Variants in SUPT3H observed in about 807,000 individuals in gnomAD.
SUPT3H encodes the protein transcription initiation protein SPT3 homolog.
SUPT3H carries 44 observed loss-of-function variants against 44.3 expected under a neutral mutation model. The observed-to-expected ratio is 0.99, with a 90% CI of 0.78 to 1.28. SUPT3H has a LOEUF of 1.28. Ranked by LOEUF, SUPT3H falls within the 50% of genes most tolerant of loss-of-function variation. The pLI is 0.00. For missense variants in SUPT3H, 380 were observed against 387.1 expected, an observed-to-expected ratio of 0.98 and a Z score of 0.15; for synonymous variants, 124 against 125.6, an observed-to-expected ratio of 0.99 and a Z score of 0.09.
intron 3 of SUPT3H, among the ~76,000 whole-genome samples, chr6:45,031,750 T>C (rs1261667882): frequency 1.3e-5 from 2 of 152,090 alleles, no homozygotes; most frequent in Non-Finnish European, 2.9e-5. Flanking sequence ...AGAGGAACCA[T>C]AAGAAAGAAT....
chr6:45,346,745 T>C (rs1220792198), intron 2 of SUPT3H, among the ~76,000 whole-genome samples: 1 of 152,024 alleles, frequency 6.6e-6, no homozygotes, highest in Non-Finnish European at 1.5e-5. Flanking sequence ...TTATATTTTT[T>C]TAGTAGAGAC....
intron 3 of SUPT3H, among the ~76,000 whole-genome samples, chr6:45,030,237 T>C (rs1489058981): frequency 6.6e-6 from 1 of 152,200 alleles, no homozygotes; most frequent in African/African-American, 2.4e-5. Flanking sequence ...TTGATGTATT[T>C]TTGAAGTCTA....
chr6:44,815,988 CA>C (rs776990296), intron 11 of SUPT3H, among the ~76,000 whole-genome samples: 51 of 152,130 alleles, frequency 3.4e-4, no homozygotes, highest in Non-Finnish European at 6.6e-4. Flanking sequence ...GGGCCATAAG[CA>C]AACCTTAGAA....
chr6:45,291,828 A>G (rs1016589466), intron 2 of SUPT3H, among the ~76,000 whole-genome samples: 4 of 152,188 alleles, frequency 2.6e-5, no homozygotes, highest in African/African-American at 9.7e-5. Flanking sequence ...GGTGTCCCCA[A>G]GGAAGAAGAG....
intron 3 of SUPT3H, among the ~76,000 whole-genome samples, chr6:45,046,990 T>C (rs1224818315): frequency 6.6e-6 from 1 of 152,214 alleles, no homozygotes; most frequent in African/African-American, 2.4e-5. Flanking sequence ...TGGTACTAAA[T>C]TCTGATGTCA....
chr6:45,078,962 T>C (rs1795382196), intron 3 of SUPT3H, among the ~76,000 whole-genome samples: 1 of 152,224 alleles, frequency 6.6e-6, no homozygotes, highest in Admixed American at 6.5e-5. Flanking sequence ...TTGTGCTTTC[T>C]TGATCTCAAT....
At chr6:45,247,653 A>C (rs1324094557) in intron 2 of SUPT3H, among the ~76,000 whole-genome samples, 1 of 151,506 alleles carries the variant, frequency 6.6e-6, no homozygotes, top group African/African-American at 2.4e-5. Flanking sequence ...GGAAGCTTAA[A>C]TCTAGATGCC....
At chr6:45,037,257 C>G (rs1444348364) in intron 3 of SUPT3H, among the ~76,000 whole-genome samples, 1 of 150,784 alleles carries the variant, frequency 6.6e-6, no homozygotes, top group Non-Finnish European at 1.5e-5. Flanking sequence ...GTAGGAGTGG[C>G]TGCAGTGGAA....
Position 44,902,586 on chromosome 6 carries a change from C to A in SUPT3H, c.912+30067G>T, listed in dbSNP as rs150317012. On this transcript the variant is annotated intron_variant, in intron 10 of 10. Coordinates refer to ENST00000371459, the MANE Select transcript of SUPT3H (RefSeq NM_003599.4). The stretch of plus-strand genomic sequence containing the variant: ...AGACTCCCACAATAATAATGGGAGA[C>A]TTTAACACCCCACTGTCAATATTAG... Among the ~76,000 whole-genome samples, 45 of 152,228 alleles carry A rather than the reference C, an allele frequency of 3.0e-4. 2 individuals are homozygous for A. The highest frequency in any genetic ancestry group is 8.7e-4 in the African/African-American group (36 of 41,528).
intron 3 of SUPT3H, among the ~76,000 whole-genome samples, chr6:45,070,631 C>T (rs1353090850): frequency 1.3e-5 from 2 of 151,404 alleles, no homozygotes; most frequent in Non-Finnish European, 2.9e-5. Context: ...ATCCCAGCTA[C>T]TCCTGAGGCA....
chr6:44,881,740 A>G (rs1423837448), intron 10 of SUPT3H, among the ~76,000 whole-genome samples: 2 of 152,184 alleles, frequency 1.3e-5, no homozygotes, highest in Admixed American at 6.5e-5. Flanking sequence ...CTCACTAAAA[A>G]CTGCACAGCT....
intron 10 of SUPT3H, among the ~76,000 whole-genome samples, chr6:44,888,483 T>C (rs965759860): frequency 3.3e-5 from 5 of 152,124 alleles, no homozygotes; most frequent in African/African-American, 1.2e-4. Context: ...ATAAAAGTAA[T>C]CCAGCATATA....
intron 2 of SUPT3H, among the ~76,000 whole-genome samples, chr6:45,173,047 C>T (rs1389057985): frequency 1.3e-5 from 2 of 151,980 alleles, no homozygotes; most frequent in Non-Finnish European, 2.9e-5. Flanking sequence ...TATAGATTTC[C>T]AAGTCCTGGA....
intron 2 of SUPT3H, chr6:45,328,405 T>A (rs1393578775): frequency 7.1e-7 from 1 of 1,418,280 alleles, no homozygotes; most frequent in Admixed American, 1.9e-5. Context: ...AAGTCTCTGG[T>A]TTTTAAATGG....
At chr6:45,106,203 G>A (rs977415935) in intron 2 of SUPT3H, among the ~76,000 whole-genome samples, 197 bp from the exon 3 acceptor site, 55 of 152,250 alleles carry the variant, frequency 3.6e-4, no homozygotes, top group Admixed American at 1.0e-3. Context: ...AGGCCGGAGC[G>A]GGAGGATCAC....
chr6:44,890,928 A>T (rs1763206994), intron 10 of SUPT3H, among the ~76,000 whole-genome samples: 1 of 151,980 alleles, frequency 6.6e-6, no homozygotes, highest in African/African-American at 2.4e-5. Flanking sequence ...GGAGTTGAAC[A>T]ATAAGAACAC....
chr6:45,233,413 G>A lies in SUPT3H; in HGVS notation c.102-127407C>T, dbSNP rs141940331. On this transcript the variant is annotated intron_variant, in intron 2 of 10. Transcript: ENST00000371459. The stretch of plus-strand genomic sequence containing the variant: ...GTCTCAGGTGTGTGAGTGAGCCAGC[G>A]TGAGTACCCTGTCCAGTCTAATGCC... Among the ~76,000 whole-genome samples, 201 of 152,324 alleles carry A rather than the reference G, an allele frequency of 1.3e-3. 1 individual carries two copies. The Middle Eastern group carries it at 0.017, about 13-fold the overall frequency.
chr6:45,260,051 G>A (rs1289718221), intron 2 of SUPT3H, among the ~76,000 whole-genome samples: 2 of 151,994 alleles, frequency 1.3e-5, no homozygotes, highest in Non-Finnish European at 2.9e-5. Context: ...GTTCTTCATC[G>A]AAGTCTAAAA....
intron 6 of SUPT3H, among the ~76,000 whole-genome samples, chr6:44,984,253 A>T (rs10948194): frequency 1.8e-4 from 27 of 151,994 alleles, no homozygotes; most frequent in Non-Finnish European, 3.4e-4. Flanking sequence ...TAATCCAGTG[A>T]GCTGGGCCTG....
Sources: gnomAD v4.1 joint callset for allele counts (sites outside exome capture counted in the v4.1 genomes callset) on GRCh38, gnomAD v4.1.1 for gene constraint, MANE v1.5 for transcripts, NCBI Gene and HGNC (gene_info 2026-07-23, HGNC 2026-07-21) for gene names.